TNR: variants seen among roughly 807,000 people sequenced by gnomAD.
TNR encodes the protein tenascin-R.
TNR carries 45 observed loss-of-function variants against 150.4 expected under a neutral mutation model. The observed-to-expected ratio is 0.30, with a 90% confidence interval of 0.24 to 0.38. The LOEUF (loss-of-function observed/expected upper bound fraction) is 0.38. TNR is among the 10% of genes least tolerant of loss of function. The probability of loss-of-function intolerance (pLI) is 1.00; values close to 1 mark genes in which losing one functional copy is unlikely to be tolerated. For synonymous variants in TNR, 687 were observed against 678.4 expected, an observed-to-expected ratio of 1.01 and a Z score of -0.20; for missense variants, 1,544 against 1,759.1, an observed-to-expected ratio of 0.88 and a Z score of 2.19.
chr1:175,446,680 AAT>A (rs1305311605), intron 2 of TNR, among the ~76,000 whole-genome samples: 2 of 152,198 alleles, frequency 1.3e-5, no homozygotes, highest in African/African-American at 4.8e-5. Context: ...TTATTTGTAT[AAT>A]TTTAAAAAAA....
At chr1:175,456,938 G>T (rs889864332) in intron 2 of TNR, among the ~76,000 whole-genome samples, 8 of 152,092 alleles carry the variant, frequency 5.3e-5, no homozygotes, top group African/African-American at 1.9e-4. Flanking sequence ...GCAGACTGTT[G>T]GCCTTTCTCC....
At chr1:175,415,499 C>T (rs553732733) in intron 2 of TNR, among the ~76,000 whole-genome samples, 213 of 152,376 alleles carry the variant, frequency 1.4e-3, no homozygotes, top group Non-Finnish European at 2.5e-3. Flanking sequence ...CTAGGCGCGG[C>T]TGCCCAACGC....
intron 2 of TNR, among the ~76,000 whole-genome samples, chr1:175,500,782 A>G (rs992342742): frequency 6.6e-6 from 1 of 152,226 alleles, no homozygotes; most frequent in African/African-American, 2.4e-5. Context: ...GGCTGGACAG[A>G]AGAGGTCTGG....
At chr1:175,608,245 G>A (rs1663477369) in intron 1 of TNR, among the ~76,000 whole-genome samples, 1 of 152,182 alleles carries the variant, frequency 6.6e-6, no homozygotes, top group South Asian at 2.1e-4. Context: ...CAACTCAATG[G>A]GAAAGGGATA....
intron 1 of TNR, among the ~76,000 whole-genome samples, chr1:175,662,613 AG>A (rs1394911290): frequency 6.6e-6 from 1 of 152,240 alleles, no homozygotes; most frequent in East Asian, 1.9e-4. Context: ...TGAGGCAGGC[AG>A]GGATGAGCAT....
intron 9 of TNR, among the ~76,000 whole-genome samples, chr1:175,371,856 A>C (rs1652119904): frequency 6.6e-6 from 1 of 152,194 alleles, no homozygotes; most frequent in Non-Finnish European, 1.5e-5. Context: ...CTTACAGGCC[A>C]GGAGGAAGGA....
chr1:175,664,510 A>G (rs1454941305), intron 1 of TNR, among the ~76,000 whole-genome samples: 1 of 152,246 alleles, frequency 6.6e-6, no homozygotes, highest in African/African-American at 2.4e-5. Flanking sequence ...TGAGGTGGTC[A>G]GGGCAGAACT....
At chr1:175,436,966 G>A (rs1251076538) in intron 2 of TNR, among the ~76,000 whole-genome samples, 1 of 152,192 alleles carries the variant, frequency 6.6e-6, no homozygotes, top group East Asian at 1.9e-4. Flanking sequence ...ACATTAGACA[G>A]ATCAACGAGA....
At chr1:175,370,857 G>A (rs1388725009) in intron 9 of TNR, among the ~76,000 whole-genome samples, 1 of 152,142 alleles carries the variant, frequency 6.6e-6, no homozygotes, top group Non-Finnish European at 1.5e-5. Context: ...TAAATGAAAT[G>A]TTCAATAATT....
At chr1:175,491,014 A>G (rs1276597887) in intron 2 of TNR, among the ~76,000 whole-genome samples, 2 of 152,264 alleles carry the variant, frequency 1.3e-5, no homozygotes, top group African/African-American at 4.8e-5. Flanking sequence ...TGTAGTAGGT[A>G]TATACCGTGG....
chr1:175,525,793 C>T (rs563664404), intron 2 of TNR, among the ~76,000 whole-genome samples: 34 of 152,314 alleles, frequency 2.2e-4, no homozygotes, highest in African/African-American at 7.5e-4. Context: ...ATTTGTTAAG[C>T]ATTTCACAAA....
intron 1 of TNR, among the ~76,000 whole-genome samples, chr1:175,535,443 ATT>A (rs753988581): frequency 2.5e-5 from 3 of 121,176 alleles, no homozygotes; most frequent in Non-Finnish European, 3.5e-5. Flanking sequence ...TTATTTATTT[ATT>A]TTTTGTTGTT....
intron 2 of TNR, among the ~76,000 whole-genome samples, chr1:175,416,022 T>C (rs1192250843): frequency 2.6e-5 from 4 of 152,164 alleles, no homozygotes; most frequent in African/African-American, 9.7e-5. Context: ...TGGACTAGGT[T>C]TCCCTATGAT....
intron 1 of TNR, among the ~76,000 whole-genome samples, chr1:175,576,771 A>AT (rs1195288616): frequency 6.6e-6 from 1 of 152,076 alleles, no homozygotes; most frequent in African/African-American, 2.4e-5. Context: ...TTGAGACACT[A>AT]TTTTTTTAGA....
intron 20 of TNR, chr1:175,330,534 T>TC (rs1328793990): frequency 7.7e-6 from 2 of 258,946 alleles, no homozygotes; most frequent in African/African-American, 4.4e-5. Context: ...CCTGGCCCTG[T>TC]CCCCTCTCAC....
In TNR at chr1:175,316,673, T is replaced by C. The variant is rs1471973811; in HGVS notation, c.*6684A>G. ...TCCCACTCTTCTAATGTTGGGATGT[T>C]CCCAAAAGAGTGGGGTGGGGGGTAT... On this transcript the variant is annotated 3_prime_UTR_variant, in exon 23 of 23. Transcript: ENST00000367674. 1 of 152,154 alleles carries C rather than the reference T, an allele frequency of 6.6e-6. No individual in the cohort carries two copies. Among genetic ancestry groups the C allele is most frequent in the African/African-American group, 2.4e-5 (1 of 41,438 alleles). The allele number at this position is 152,154 out of a possible 1,614,324, so 9.4% of individuals were successfully genotyped here.
At chr1:175,516,097 A>G (rs1269150983) in intron 2 of TNR, among the ~76,000 whole-genome samples, 5 of 152,176 alleles carry the variant, frequency 3.3e-5, no homozygotes, top group Non-Finnish European at 7.3e-5. Context: ...TTTATTCAGA[A>G]CCATTTATTC....
rs921311722 is a variant in TNR, at chr1:175,365,867, T to G, written c.2317+8A>C. 8.1e-6 allele frequency: 13 copies of G among 1,612,626 alleles called. No homozygotes were observed. In the African/African-American group the frequency reaches 1.7e-4, roughly 22 times the overall value. On this transcript the variant is annotated splice_region_variant and intron_variant, in intron 11 of 22. Coordinates refer to ENST00000367674, the MANE Select transcript of TNR (RefSeq NM_003285.3). ...TGAACCTGGCTGGGATTTCTGCTGC[T>G]CTGGTACCTGTGAAAGCATCCACAG...
intron 9 of TNR, among the ~76,000 whole-genome samples, chr1:175,374,878 G>A (rs1331086649): frequency 1.3e-5 from 2 of 152,224 alleles, no homozygotes; most frequent in Non-Finnish European, 2.9e-5. Context: ...TCCTGGTCAT[G>A]AGAATCCTTA....
Sources: gnomAD v4.1 joint callset for allele counts (sites outside exome capture counted in the v4.1 genomes callset) on GRCh38, gnomAD v4.1.1 for gene constraint, MANE v1.5 for transcripts, NCBI Gene and HGNC (gene_info 2026-07-23, HGNC 2026-07-21) for gene names.